The following JRK variants were observed in gnomAD, a reference collection of about 807,000 sequenced individuals.
The protein encoded by JRK is Jrk helix-turn-helix protein, also known as jerky protein homolog.
For synonymous variants in JRK, 303 were observed against 218.1 expected (o/e 1.39, Z -3.43); for missense variants, 720 against 509.2 (o/e 1.41, Z -3.98).
At chr8:142,667,627 CT>C (rs1429983022) in intron 1 of JRK, among the ~76,000 whole-genome samples, 1 of 152,178 alleles carries the variant, frequency 6.6e-6, no homozygotes, top group Non-Finnish European at 1.5e-5. Flanking sequence ...TGATAGCCCC[CT>C]GGGAGCAAGG....
At position 142,659,736 on chromosome 8, in the gene JRK, C is replaced by G. The variant is rs1846856484; in HGVS notation, c.*4616G>C. 1 of 985,390 alleles carries G rather than the reference C, an allele frequency of 1.0e-6. No homozygotes were observed. The allele number at this position is 985,390 out of a possible 1,614,324, so 61.0% of individuals were successfully genotyped here. On this transcript the variant is annotated 3_prime_UTR_variant, in exon 2 of 2. Transcript: ENST00000612905. ...TCTGTTTACAGTTGAGTGCACTGCTCAAGGTCATGCAGCTGGTGAACAGCA... is the reference window on the plus strand; with the variant it reads ...TCTGTTTACAGTTGAGTGCACTGCTGAAGGTCATGCAGCTGGTGAACAGCA...
At position 142,658,613 on chromosome 8, in the gene JRK, C is replaced by T; in HGVS notation, c.*5739G>A. 2.3e-6 allele frequency: 1 copy of T among 428,314 alleles called. No individual in the cohort carries two copies. The highest frequency in any genetic ancestry group is 4.0e-6 in the Non-Finnish European group (1 of 247,210). 26.5% of individuals were successfully genotyped at this position (428,314 alleles called of 1,614,324 possible). ...ATAAGGACTCGATCTCATCGGCGAG[C>T]CCCACCCTCACGATCTCACCTAAGC... is the stretch of plus-strand genomic sequence containing the variant. On this transcript the variant is annotated 3_prime_UTR_variant, in exon 2 of 2. Transcript: ENST00000612905.
the JRK span, among the ~76,000 whole-genome samples, chr8:142,647,667 C>G: frequency 6.6e-6 from 1 of 152,200 alleles, no homozygotes; most frequent in African/African-American, 2.4e-5. Flanking sequence ...TAAACTTCTT[C>G]CATTTATAAA....
At chr8:142,644,271 C>A in the JRK span, among the ~76,000 whole-genome samples, 1 of 152,104 alleles carries the variant, frequency 6.6e-6, no homozygotes, top group Non-Finnish European at 1.5e-5. Context: ...GGTTTTAGGG[C>A]AGCCACAGTC....
At chr8:142,656,732 G>A (rs1179897557), downstream of JRK, among the ~76,000 whole-genome samples, 1 of 152,212 alleles carries the variant, frequency 6.6e-6, no homozygotes, top group African/African-American at 2.4e-5. Context: ...TCTATGGCCT[G>A]CTTCTCCAGT....
chr8:142,663,885 C>T lies in JRK; in HGVS notation c.*467G>A, dbSNP rs1846996552. ...GGTCCACCCAACACGGGGATGGCCG[C>T]CAGCCCAGCAGATAGAGCCTTCTGA... On this transcript the variant is annotated 3_prime_UTR_variant, in exon 2 of 2. Coordinates refer to ENST00000612905, the MANE Select transcript of JRK (RefSeq NM_003724.4). 2 of 990,528 alleles carry T rather than the reference C, an allele frequency of 2.0e-6. No homozygotes were observed. The highest frequency in any genetic ancestry group is 6.1e-5 in the Admixed American group (1 of 16,456). The allele number at this position is 990,528 out of a possible 1,614,324, so 61.4% of individuals were successfully genotyped here. A position where few individuals can be genotyped will look rare whatever the true frequency, so the allele number is the denominator to read the frequency against.
At chr8:142,655,434 G>A (rs989099012), downstream of JRK, among the ~76,000 whole-genome samples, 13 of 152,232 alleles carry the variant, frequency 8.5e-5, no homozygotes, top group Non-Finnish European at 1.5e-4. Flanking sequence ...ACTGCCCAGG[G>A]AAAGCAGGAC....
Position 142,663,269 on chromosome 8 carries a change from G to A in JRK, c.*1083C>T, listed in dbSNP as rs1411056855. ...AGGCAGTGAGTGTTGCCCGTGAAAT[G>A]GAGATGCCGCAAAGCAACTACAGAC... On this transcript the variant is annotated 3_prime_UTR_variant, in exon 2 of 2. Transcript: ENST00000612905. 1 of 985,460 alleles carries A rather than the reference G, an allele frequency of 1.0e-6. No individual in the cohort carries two copies. Among genetic ancestry groups the A allele is most frequent in the Non-Finnish European group, 1.2e-6 (1 of 829,942 alleles). 61.0% of individuals were successfully genotyped at this position (985,460 alleles called of 1,614,324 possible).
the JRK span, among the ~76,000 whole-genome samples, chr8:142,644,408 G>A: frequency 6.6e-6 from 1 of 151,998 alleles, no homozygotes; most frequent in Admixed American, 6.6e-5. Flanking sequence ...TATGATTTGG[G>A]AACACATACC....
the JRK span, among the ~76,000 whole-genome samples, chr8:142,647,542 C>T: frequency 6.6e-6 from 1 of 152,058 alleles, no homozygotes; most frequent in Admixed American, 6.5e-5. Flanking sequence ...TGGGAGTTTC[C>T]CTGCACAAGC....
In JRK at chr8:142,658,937, A is replaced by G; in HGVS notation, c.*5415T>C. 1.9e-6 allele frequency: 3 copies of G among 1,613,216 alleles called. 1 individual carries two copies. The South Asian group carries it at 3.3e-5, about 18-fold the overall frequency. On this transcript the variant is annotated 3_prime_UTR_variant, in exon 2 of 2. Transcript: ENST00000612905. ...GGTCACTACCACATCCTCAAGGCCC[A>G]CAGTCTCCTGAAACAACAGAACTTT...
chr8:142,655,999 G>T (rs1846743470), downstream of JRK, among the ~76,000 whole-genome samples: 1 of 152,078 alleles, frequency 6.6e-6, no homozygotes, highest in Non-Finnish European at 1.5e-5. Context: ...ACCACCTTTA[G>T]TTCTTCAATC....
chr8:142,656,641 T>C (rs1846758484), downstream of JRK, among the ~76,000 whole-genome samples: 1 of 152,260 alleles, frequency 6.6e-6, no homozygotes, highest in Non-Finnish European at 1.5e-5. Flanking sequence ...TTCCACTGTT[T>C]TTGAGAGCAC....
chr8:142,650,538 T>C, the JRK span, among the ~76,000 whole-genome samples: 1 of 152,224 alleles, frequency 6.6e-6, no homozygotes, highest in African/African-American at 2.4e-5. Context: ...CTTGTTTTCA[T>C]GATAGTGAAT....
the JRK span, among the ~76,000 whole-genome samples, chr8:142,649,072 T>C: frequency 0.55 from 83,612 of 152,144 alleles, 24,290 homozygotes; most frequent in Admixed American, 0.67. Context: ...ATGGCTGTAT[T>C]TACCCAATGC....
the JRK span, among the ~76,000 whole-genome samples, chr8:142,651,548 T>C: frequency 2.3e-5 from 2 of 86,404 alleles, no homozygotes; most frequent in African/African-American, 6.3e-5. Flanking sequence ...ATCTTTTTTT[T>C]TTTTTTTTTT....
chr8:142,662,622 G>C lies in JRK; in HGVS notation c.*1730C>G. 1 of 985,348 alleles carries C rather than the reference G, an allele frequency of 1.0e-6. No homozygotes were observed. Among genetic ancestry groups the C allele is most frequent in the African/African-American group, 1.7e-5 (1 of 57,328 alleles). The allele number at this position is 985,348 out of a possible 1,614,324, so 61.0% of individuals were successfully genotyped here. On this transcript the variant is annotated 3_prime_UTR_variant, in exon 2 of 2. Transcript: ENST00000612905. The stretch of plus-strand genomic sequence containing the variant: ...ATCTTCACACATGCATTCAAAGCAA[G>C]AAACACACACTTCCAGGACATAGAT...
chr8:142,661,488 G>T lies in JRK; in HGVS notation c.*2864C>A. The T allele has an allele frequency of 2.0e-6, 2 of 985,520 alleles. No individual in the cohort carries two copies. The highest frequency in any genetic ancestry group is 2.4e-6 in the Non-Finnish European group (2 of 829,988). 61.0% of individuals were successfully genotyped at this position (985,520 alleles called of 1,614,324 possible). A position where few individuals can be genotyped will look rare whatever the true frequency, so the allele number is the denominator to read the frequency against. On this transcript the variant is annotated 3_prime_UTR_variant, in exon 2 of 2. Transcript: ENST00000612905. ...TGGAAAGAGGTTCTATTAGCAGGCT[G>T]GAAGCAGCCACAGAGGTCCCAAACC...
Position 142,660,840 on chromosome 8 carries a change from C to G in JRK, c.*3512G>C, listed in dbSNP as rs147786364. 6,325 of 985,616 alleles carry G rather than the reference C, an allele frequency of 6.4e-3. 26 individuals are homozygous for G. The highest frequency in any genetic ancestry group is 7.8e-3 in the Admixed American group (127 of 16,292). 61.1% of individuals were successfully genotyped at this position (985,616 alleles called of 1,614,324 possible). On this transcript the variant is annotated 3_prime_UTR_variant, in exon 2 of 2. Coordinates refer to ENST00000612905, the MANE Select transcript of JRK (RefSeq NM_003724.4). Reference sequence around the variant, plus strand: ...GATGCAGTCTACACCTTCTGCAAACCCCTGCCTCAAACCGTGTCCCTCCAC... The same window carrying G: ...GATGCAGTCTACACCTTCTGCAAACGCCTGCCTCAAACCGTGTCCCTCCAC...
Sources: gnomAD v4.1 joint callset for allele counts (sites outside exome capture counted in the v4.1 genomes callset) on GRCh38, gnomAD v4.1.1 for gene constraint, MANE v1.5 for transcripts, NCBI Gene and HGNC (gene_info 2026-07-23, HGNC 2026-07-21) for gene names.